The following NEDD4 variants were observed in gnomAD, a reference collection of about 807,000 sequenced individuals.
NEDD4 encodes NEDD4 E3 ubiquitin protein ligase.
In NEDD4, 99 loss-of-function variants were observed where a neutral mutation model predicts 144.9. That is an observed-to-expected ratio of 0.68 (90% CI 0.58 to 0.81). The LOEUF (loss-of-function observed/expected upper bound fraction) is 0.81, where lower values mean the gene tolerates loss of function less well. Ranked by LOEUF, NEDD4 falls within the 30% of genes least tolerant of loss-of-function variation. The probability of loss-of-function intolerance (pLI) is 0.00; values close to 1 mark genes in which losing one functional copy is unlikely to be tolerated. For synonymous variants in NEDD4, 318 were observed against 350.6 expected (o/e 0.91, Z 1.04); for missense variants, 985 against 1,065.9 (o/e 0.92, Z 1.06).
chr15:55,844,115 G>A (rs1032702148), intron 18 of NEDD4, among the ~76,000 whole-genome samples: 8 of 152,040 alleles, frequency 5.3e-5, no homozygotes, highest in Admixed American at 1.3e-4. Context: ...GAGAAAGGGA[G>A]GGAAGGACGG....
At chr15:55,950,091 G>A (rs1205660530) in intron 4 of NEDD4, among the ~76,000 whole-genome samples, 1 of 151,970 alleles carries the variant, frequency 6.6e-6, no homozygotes, top group African/African-American at 2.4e-5. Context: ...TGCCAAAAAA[G>A]CAATCAAAAC....
At chr15:55,960,192 T>C in intron 2 of NEDD4, among the ~76,000 whole-genome samples, 1 of 152,210 alleles carries the variant, frequency 6.6e-6, no homozygotes, top group East Asian at 1.9e-4. Context: ...ATATTGAGTG[T>C]CAACTTCATT....
intron 5 of NEDD4, among the ~76,000 whole-genome samples, chr15:55,897,512 CTT>C (rs2035776319): frequency 6.6e-6 from 1 of 152,182 alleles, no homozygotes; most frequent in African/African-American, 2.4e-5. Context: ...TCACTAGATT[CTT>C]AAAGTCCCAC....
chr15:55,947,139 A>G (rs1595867381), intron 4 of NEDD4, among the ~76,000 whole-genome samples: 3 of 152,154 alleles, frequency 2.0e-5, no homozygotes, highest in East Asian at 3.9e-4. Flanking sequence ...CTAGCAGAAG[A>G]CAAGAAATAA....
intron 12 of NEDD4, among the ~76,000 whole-genome samples, chr15:55,855,113 A>G (rs1326571012): frequency 6.6e-6 from 1 of 152,162 alleles, no homozygotes; most frequent in African/African-American, 2.4e-5. Context: ...GACCAGAGCA[A>G]TGATGCATAG....
At chr15:55,941,864 C>CTGTT (rs1566962106) in intron 4 of NEDD4, among the ~76,000 whole-genome samples, 1 of 152,168 alleles carries the variant, frequency 6.6e-6, no homozygotes. Flanking sequence ...TGAGCCATTG[C>CTGTT]GCCCAGCCAA....
intron 11 of NEDD4, among the ~76,000 whole-genome samples, chr15:55,859,523 T>C (rs767478725): frequency 6.6e-6 from 1 of 152,052 alleles, no homozygotes; most frequent in Non-Finnish European, 1.5e-5. Context: ...GTGAAACTCC[T>C]CCATCTCTAC....
At chr15:55,910,139 C>T (rs2036225349) in intron 5 of NEDD4, among the ~76,000 whole-genome samples, 1 of 152,162 alleles carries the variant, frequency 6.6e-6, no homozygotes, top group Admixed American at 6.5e-5. Flanking sequence ...TCTTATACAT[C>T]TTATATCCAC....
chr15:55,986,086 T>C (rs1207872822), intron 1 of NEDD4, among the ~76,000 whole-genome samples: 2 of 152,194 alleles, frequency 1.3e-5, no homozygotes, highest in Non-Finnish European at 2.9e-5. Flanking sequence ...TGACAGTAAC[T>C]GATTACAACC....
At chr15:55,947,751 G>A (rs2037149377) in intron 4 of NEDD4, among the ~76,000 whole-genome samples, 2 of 152,160 alleles carry the variant, frequency 1.3e-5, no homozygotes, top group East Asian at 1.9e-4. Context: ...AAATTCAACA[G>A]CCCTTCATGC....
intron 5 of NEDD4, among the ~76,000 whole-genome samples, chr15:55,917,970 G>T (rs4774833): frequency 6.6e-6 from 1 of 151,992 alleles, no homozygotes; most frequent in South Asian, 2.1e-4. Context: ...AAATAAACAT[G>T]TCTCAATGCC....
At chr15:55,980,612 A>G (rs1339549099) in intron 1 of NEDD4, among the ~76,000 whole-genome samples, 1 of 152,234 alleles carries the variant, frequency 6.6e-6, no homozygotes, top group Non-Finnish European at 1.5e-5. Flanking sequence ...CAGTAGATTC[A>G]ACACAGAAAA....
intron 11 of NEDD4, among the ~76,000 whole-genome samples, chr15:55,858,947 T>G (rs1344569357): frequency 6.6e-6 from 1 of 152,202 alleles, no homozygotes; most frequent in African/African-American, 2.4e-5. Context: ...ATGGTAATTA[T>G]TCATAACAGG....
intron 7 of NEDD4, among the ~76,000 whole-genome samples, chr15:55,871,396 T>C (rs2034792126): frequency 6.6e-6 from 1 of 152,208 alleles, no homozygotes; most frequent in Non-Finnish European, 1.5e-5. Context: ...ATAATATTCA[T>C]TGCAGACAGA....
intron 27 of NEDD4, among the ~76,000 whole-genome samples, chr15:55,831,521 G>C (rs574045834): frequency 2.6e-5 from 4 of 152,310 alleles, no homozygotes; most frequent in African/African-American, 9.6e-5. Flanking sequence ...AGAGAAGATG[G>C]AGGAAGGGGA....
chr15:55,857,625 A>G (rs1191162311), intron 11 of NEDD4, among the ~76,000 whole-genome samples: 1 of 152,210 alleles, frequency 6.6e-6, no homozygotes, highest in Non-Finnish European at 1.5e-5. Flanking sequence ...GCCCAGTCTT[A>G]AATTTTATTT....
chr15:55,953,958 G>C (rs993264338), intron 2 of NEDD4, among the ~76,000 whole-genome samples: 1 of 152,144 alleles, frequency 6.6e-6, no homozygotes, highest in African/African-American at 2.4e-5. Flanking sequence ...TTGACCTCGT[G>C]ACCCTCCTGC....
chr15:55,897,052 C>A (rs910979661), intron 5 of NEDD4, among the ~76,000 whole-genome samples: 1 of 152,132 alleles, frequency 6.6e-6, no homozygotes, highest in Admixed American at 6.5e-5. Context: ...TGGCTCACTG[C>A]AAGCTCCACC....
chr15:55,909,785 T>G (rs1430314210), intron 5 of NEDD4, among the ~76,000 whole-genome samples: 1 of 152,182 alleles, frequency 6.6e-6, no homozygotes, highest in Non-Finnish European at 1.5e-5. Context: ...GCCGGCAACA[T>G]AGACAGAATT....
Sources: allele counts gnomAD v4.1 joint callset (sites outside exome capture counted in the v4.1 genomes callset), GRCh38; gene constraint gnomAD v4.1.1; transcripts MANE v1.5; gene names NCBI Gene and HGNC (gene_info 2026-07-23, HGNC 2026-07-21).